PHACTR3: variants seen among roughly 807,000 people sequenced by gnomAD.
PHACTR3 encodes phosphatase and actin regulator 3, also known as protein phosphatase 1, regulatory subunit 123.
Under a neutral mutation model 66.8 loss-of-function variants are expected in PHACTR3, and 16 were observed. That is an observed-to-expected ratio of 0.24 (90% confidence interval 0.16 to 0.36). The LOEUF is 0.36. Ranked by LOEUF, PHACTR3 falls within the 10% of genes least tolerant of loss-of-function variation. The pLI is 1.00. For missense variants in PHACTR3, 647 were observed against 719.9 expected, an observed-to-expected ratio of 0.90 and a Z score of 1.16; for synonymous variants, 323 against 292.1, an observed-to-expected ratio of 1.11 and a Z score of -1.08.
At chr20:59,816,857 G>T (rs914120595) in intron 8 of PHACTR3, among the ~76,000 whole-genome samples, 1 of 152,176 alleles carries the variant, frequency 6.6e-6, no homozygotes, top group Non-Finnish European at 1.5e-5. Context: ...ATGAGTATAG[G>T]TAGATGGAGA....
chr20:59,603,368 T>G (rs1410837902), upstream of PHACTR3: 1 of 152,248 alleles, frequency 6.6e-6, no homozygotes, highest in East Asian at 1.9e-4. Context: ...GAGTCCTTTC[T>G]TTAGAGGTGA....
chr20:59,604,877 C>CTTTTTTTTTTTTTTT lies in PHACTR3; in HGVS notation c.-130_-116dup, dbSNP rs11477768. The CTTTTTTTTTTTTTTT allele has an allele frequency of 2.1e-4, 205 of 978,612 alleles. No individual in the cohort carries two copies. Among genetic ancestry groups the CTTTTTTTTTTTTTTT allele is most frequent in the African/African-American group, 1.2e-3 (57 of 47,066 alleles). The allele number at this position is 978,612 out of a possible 1,614,324, so 60.6% of individuals were successfully genotyped here. A position where few individuals can be genotyped will look rare whatever the true frequency, so the allele number is the denominator to read the frequency against. ...TCTCCAGCTCGTTTCCTTTCCCGGC[C>CTTTTTTTTTTTTTTT]TTTTTTTTTTTTTTTTTTTTTTAAT... On this transcript the variant is annotated 5_prime_UTR_variant, in exon 1 of 13. Coordinates refer to ENST00000371015, the MANE Select transcript of PHACTR3 (RefSeq NM_080672.5).
chr20:59,773,452 A>G lies in PHACTR3; in HGVS notation c.925A>G (p.Ser309Gly). The G allele has an allele frequency of 1.2e-6, 2 of 1,606,010 alleles. No homozygotes were observed. The highest frequency in any genetic ancestry group is 1.7e-6 in the Non-Finnish European group (2 of 1,176,850). The change falls in exon 6 of 13, where the codon AGT becomes GGT. Residue 309 changes from serine to glycine, a missense_variant and splice_region_variant. This residue lies in a region of PHACTR3 where 577 missense variants were observed against 571.1 expected (regional missense o/e 1.01). Coordinates refer to ENST00000371015, the MANE Select transcript of PHACTR3 (RefSeq NM_080672.5). Reference sequence around the variant, plus strand: ...GCTGGCCACGAAGCACCGCCAGGACAGGTGAGGCCCTGCCCCATGAGGGAG... The same window carrying G: ...GCTGGCCACGAAGCACCGCCAGGACGGGTGAGGCCCTGCCCCATGAGGGAG... ...RALATKHRQD[S>G]FQGRESKGSP... is the part of the protein sequence containing the mutation.
In PHACTR3 at chr20:59,670,608, G is replaced by A. The variant is rs543255090; in HGVS notation, c.118+65476G>A. Among the ~76,000 whole-genome samples the A allele has an allele frequency of 9.4e-5, 13 of 138,202 alleles. 1 individual carries two copies. Among genetic ancestry groups the A allele is most frequent in the African/African-American group, 2.6e-4 (10 of 39,066 alleles). 90.7% of individuals were successfully genotyped at this position (138,202 alleles called of 152,430 possible). ...GAGGACAGGCATCTGCCGGGGGTGG[G>A]GGGGGGGGGCAGGCACTTTTACTGT... On this transcript the variant is annotated intron_variant, in intron 1 of 12. Coordinates refer to ENST00000371015, the MANE Select transcript of PHACTR3 (RefSeq NM_080672.5).
chr20:59,801,247 G>A (rs1415868817), intron 7 of PHACTR3, among the ~76,000 whole-genome samples: 5 of 152,114 alleles, frequency 3.3e-5, no homozygotes, highest in Non-Finnish European at 7.4e-5. Context: ...ATTGTGGCCT[G>A]GCAACTCTCT....
intron 9 of PHACTR3, 32 bp from the exon 10 acceptor site, chr20:59,840,337 T>C (rs1332827944): frequency 2.5e-6 from 4 of 1,597,602 alleles, no homozygotes; most frequent in Non-Finnish European, 3.4e-6. Flanking sequence ...TTCTCTTTGT[T>C]ATTTTTTTTT....
chr20:59,844,956 T>C (rs1344667200), intron 11 of PHACTR3: 2 of 373,536 alleles, frequency 5.4e-6, no homozygotes, highest in Admixed American at 8.7e-5. Flanking sequence ...ACAAATATTA[T>C]GTATCAATAA....
chr20:59,585,820 C>T (rs1362853137), intron 1 of PHACTR3, among the ~76,000 whole-genome samples: 3 of 152,186 alleles, frequency 2.0e-5, no homozygotes. Flanking sequence ...AGCTTTTCAC[C>T]TCTCCCTAAA....
rs1042949800 is a variant in PHACTR3 at position 59,830,550 on chromosome 20, G to A, written c.1329-5955G>A. ...GGCTGTGAGTGTCTGAAGGAGGAGT[G>A]ATTCTTGGGGATCCAGGCCTGCAAG... is the stretch of plus-strand genomic sequence containing the variant. On this transcript the variant is annotated intron_variant, in intron 8 of 12. Coordinates refer to ENST00000371015, the MANE Select transcript of PHACTR3 (RefSeq NM_080672.5). This position sits in a 1 kb window ranked among gnomAD's most constrained non-coding sequence, Gnocchi z 5.8. 1.3e-5 allele frequency among the ~76,000 whole-genome samples: 2 copies of A among 152,184 alleles called. No homozygotes were observed. The highest frequency in any genetic ancestry group is 2.9e-5 in the Non-Finnish European group (2 of 68,024).
At chr20:59,686,632 GTGA>G (rs1162176213) in intron 1 of PHACTR3, among the ~76,000 whole-genome samples, 17 of 149,698 alleles carry the variant, frequency 1.1e-4, no homozygotes, top group African/African-American at 4.0e-4. Context: ...TGTGATGATT[GTGA>G]TGATGGTGGT....
intron 12 of PHACTR3, among the ~76,000 whole-genome samples, chr20:59,846,056 A>G (rs1156245520): frequency 6.6e-6 from 1 of 152,194 alleles, no homozygotes; most frequent in East Asian, 1.9e-4. Flanking sequence ...TCTGATTCTA[A>G]AGCAGATGAC....
intron 1 of PHACTR3, among the ~76,000 whole-genome samples, chr20:59,693,307 T>C (rs948039536): frequency 2.0e-5 from 3 of 152,226 alleles, no homozygotes; most frequent in African/African-American, 7.2e-5. Flanking sequence ...CTCTTCTCTT[T>C]GTTCTGGGAA....
At chr20:59,773,896 T>C (rs932032858) in intron 6 of PHACTR3, among the ~76,000 whole-genome samples, 1 of 152,352 alleles carries the variant, frequency 6.6e-6, no homozygotes, top group East Asian at 1.9e-4. Context: ...TGTGAAAGAT[T>C]AGAGGTAAAA....
At chr20:59,735,444 G>A (rs1259666484) in intron 1 of PHACTR3, among the ~76,000 whole-genome samples, 1 of 152,112 alleles carries the variant, frequency 6.6e-6, no homozygotes, top group Admixed American at 6.5e-5. Flanking sequence ...GTAGCACATG[G>A]CACTGAGTAC....
At chr20:59,704,040 T>G (rs1167682107) in intron 1 of PHACTR3, among the ~76,000 whole-genome samples, 1 of 152,200 alleles carries the variant, frequency 6.6e-6, no homozygotes, top group Non-Finnish European at 1.5e-5. Flanking sequence ...TTCATTTCTT[T>G]ACAAAAAATC....
intron 7 of PHACTR3, among the ~76,000 whole-genome samples, chr20:59,795,951 T>A (rs1177343148): frequency 6.6e-6 from 1 of 152,124 alleles, no homozygotes; most frequent in East Asian, 1.9e-4. Context: ...GGAGACTTTA[T>A]TCATTTATAT....
At chr20:59,784,379 G>A (rs1444937288) in intron 7 of PHACTR3, among the ~76,000 whole-genome samples, 5 of 152,062 alleles carry the variant, frequency 3.3e-5, no homozygotes, top group Non-Finnish European at 7.4e-5. Context: ...GTATGCATAT[G>A]TATATGTGTG....
chr20:59,766,508 G>T (rs980877386), intron 4 of PHACTR3, among the ~76,000 whole-genome samples: 5 of 152,196 alleles, frequency 3.3e-5, no homozygotes, highest in Admixed American at 6.5e-5. Context: ...TTGAGGGAAA[G>T]CTGGGGATGG....
intron 7 of PHACTR3, among the ~76,000 whole-genome samples, chr20:59,805,711 G>A (rs1393903128): frequency 6.6e-6 from 1 of 152,194 alleles, no homozygotes; most frequent in Non-Finnish European, 1.5e-5. Flanking sequence ...GTCATTTTTG[G>A]TCCAAACTCA....
Sources: gnomAD v4.1 joint callset for allele counts (sites outside exome capture counted in the v4.1 genomes callset) on GRCh38, gnomAD v4.1.1 for gene constraint, gnomAD v4.1.1 regional missense constraint, Gnocchi (gnomAD v3.1) non-coding constraint, MANE v1.5 for transcripts, NCBI Gene and HGNC (gene_info 2026-07-23, HGNC 2026-07-21) for gene names.